Variants in RHBDF2 observed in about 807,000 individuals in gnomAD.
RHBDF2 encodes the protein inactive rhomboid protein 2.
RHBDF2 carries 38 observed loss-of-function variants against 95.2 expected under a neutral mutation model. That is an observed-to-expected ratio of 0.40 (90% CI 0.31 to 0.52). The LOEUF is 0.52. Ranked by LOEUF, RHBDF2 falls within the 20% of genes least tolerant of loss-of-function variation. The probability of loss-of-function intolerance (pLI) is 0.56; values close to 1 mark genes in which losing one functional copy is unlikely to be tolerated. For missense variants in RHBDF2, 863 were observed against 1,137.7 expected (o/e 0.76, Z 3.47); for synonymous variants, 442 against 462.0 (o/e 0.96, Z 0.55).
At position 76,472,069 on chromosome 17, in the gene RHBDF2, G is replaced by C; in HGVS notation, c.2065-17C>G. 1 of 1,540,904 alleles carries C rather than the reference G, an allele frequency of 6.5e-7. No individual in the cohort carries two copies. The highest frequency in any genetic ancestry group is 8.7e-7 in the Non-Finnish European group (1 of 1,143,688). On this transcript the variant is annotated splice_polypyrimidine_tract_variant and intron_variant, in intron 18 of 18. Transcript: ENST00000675367. ...CGGGCCCACCTGGGGCGGGGCAGGG[G>C]AGACGTGGCTTCAGGCATCAGGTGG...
intron 18 of RHBDF2, among the ~76,000 whole-genome samples, chr17:76,472,336 G>A (rs570815755): frequency 2.0e-5 from 3 of 152,212 alleles, no homozygotes; most frequent in Non-Finnish European, 4.4e-5. Context: ...GGGAGAGGAC[G>A]GACACTGAAC....
At chr17:76,483,890 C>G (rs908464907) in intron 2 of RHBDF2, among the ~76,000 whole-genome samples, 1 of 152,180 alleles carries the variant, frequency 6.6e-6, no homozygotes, top group South Asian at 2.1e-4. Context: ...TCTGACTCCA[C>G]CAGAATTAAC....
chr17:76,483,232 C>G (rs955295265), intron 2 of RHBDF2, among the ~76,000 whole-genome samples: 1 of 152,132 alleles, frequency 6.6e-6, no homozygotes, highest in Non-Finnish European at 1.5e-5. Flanking sequence ...TATCATTTTA[C>G]CTGCATTGTA....
Position 76,474,069 on chromosome 17 carries a change from T to C in RHBDF2, c.1538A>G (p.Lys513Arg). Residue 513 changes from lysine (K) to arginine (R), a missense_variant, in exon 13 of 19, where the codon AAG becomes AGG. Around this residue, in one of 2 missense-constraint regions of RHBDF2, gnomAD observed 611 missense variants for 725.5 expected, o/e 0.84. Transcript: ENST00000675367. ...PPMDKSDLGQ[K>R]RTSGAVCHQD... ...GTGGCAGACAGCCCCCGAAGTCCGC[T>C]TCTGGCCCAGATCAGACTTGTCCAT... 1 of 1,613,088 alleles carries C rather than the reference T, an allele frequency of 6.2e-7. No homozygotes were observed. The highest frequency in any genetic ancestry group is 8.5e-7 in the Non-Finnish European group (1 of 1,179,884).
rs774030260 is a variant in RHBDF2 at position 76,479,230 on chromosome 17, C to T, written c.320G>A (p.Arg107Gln). 1.1e-5 allele frequency: 18 copies of T among 1,609,192 alleles called. No homozygotes were observed. Among genetic ancestry groups the T allele is most frequent in the East Asian group, 1.1e-4 (5 of 44,846 alleles). Residue 107 changes from arginine to glutamine, a missense_variant, in exon 5 of 19, where the codon CGG becomes CAG. Arg to Gln is a conservative substitution (Grantham distance 43). Around this residue, in one of 2 missense-constraint regions of RHBDF2, gnomAD observed 611 missense variants for 725.5 expected, o/e 0.84. Transcript: ENST00000675367. ...CAGGCTGCGGCGCTGCCACTGCTGCCGCTGCCCCTCCCAGTCGCCGCTGAC... is the reference window on the plus strand; with the variant it reads ...CAGGCTGCGGCGCTGCCACTGCTGCTGCTGCCCCTCCCAGTCGCCGCTGAC... The part of the protein sequence containing the change: ...FGVSGDWEGQ[R>Q]QQWQRRSLHH...
Position 76,473,063 on chromosome 17 carries a change from TGAGG to T in RHBDF2, c.1848_1851del (p.Phe616LeufsTer33). 6.2e-7 allele frequency: 1 copy of T among 1,614,086 alleles called. No individual in the cohort carries two copies. The highest frequency in any genetic ancestry group is 8.5e-7 in the Non-Finnish European group (1 of 1,179,992). ...TAGAACTGATCTGGGACCTCAGGGT[TGAGG>T]AAGGGCAGCAGCCCACACACCTTGT... On this transcript the variant is annotated frameshift_variant, in exon 17 of 19. Transcript: ENST00000675367. LOFTEE classifies it high-confidence loss of function.
chr17:76,498,787 A>AGTGTGTGTGT (rs1315013148), intron 1 of RHBDF2, among the ~76,000 whole-genome samples: 2 of 52,806 alleles, frequency 3.8e-5, no homozygotes, highest in East Asian at 2.1e-3. Flanking sequence ...GGAGAGAAAG[A>AGTGTGTGTGT]GAGTGTGTGT....
chr17:76,498,083 ATG>A (rs964532814), intron 1 of RHBDF2, among the ~76,000 whole-genome samples: 4 of 152,166 alleles, frequency 2.6e-5, no homozygotes, highest in Non-Finnish European at 5.9e-5. Flanking sequence ...TTCCCGGAAG[ATG>A]TGTTTTTCCT....
At chr17:76,485,405 C>A (rs1281138054) in intron 2 of RHBDF2, among the ~76,000 whole-genome samples, 1 of 119,748 alleles carries the variant, frequency 8.4e-6, no homozygotes, top group Non-Finnish European at 1.7e-5. Flanking sequence ...CAGCAAAACT[C>A]TGTCTCAAAA....
rs1239996896 is a variant in RHBDF2 at position 76,487,235 on chromosome 17, G to A, written c.-22+477C>T. ...CAAAGTGCTTGGATTACAGGCGTGA[G>A]CCAGCATGCCTGGCAAATTTTTTTT... On this transcript the variant is annotated intron_variant, in intron 2 of 18. Coordinates refer to ENST00000675367, the MANE Select transcript of RHBDF2 (RefSeq NM_001005498.4). Among the ~76,000 whole-genome samples, 10 of 145,614 alleles carry A rather than the reference G, an allele frequency of 6.9e-5. No homozygotes were observed. In the East Asian group the frequency reaches 2.0e-3, roughly 29 times the overall value.
At chr17:76,491,870 C>A (rs1033697665) in intron 1 of RHBDF2, among the ~76,000 whole-genome samples, 1 of 152,228 alleles carries the variant, frequency 6.6e-6, no homozygotes, top group Non-Finnish European at 1.5e-5. Context: ...GAAAAAAGCG[C>A]TGGAGAGCTG....
intron 1 of RHBDF2, among the ~76,000 whole-genome samples, chr17:76,491,396 G>A (rs919268031): frequency 6.6e-6 from 1 of 152,096 alleles, no homozygotes; most frequent in African/African-American, 2.4e-5. Context: ...CAACACTGAG[G>A]GAGAGGAGAG....
intron 16 of RHBDF2, 26 bp from the exon 17 acceptor site, chr17:76,473,131 C>T (rs760768439): frequency 1.9e-5 from 30 of 1,602,070 alleles, no homozygotes; most frequent in African/African-American, 9.4e-5. Flanking sequence ...TGGTGCTCAG[C>T]GCCCCAGAAG....
chr17:76,499,958 T>C (rs956193938), intron 1 of RHBDF2, among the ~76,000 whole-genome samples: 1 of 152,056 alleles, frequency 6.6e-6, no homozygotes, highest in South Asian at 2.1e-4. Flanking sequence ...GCAGGGCCAG[T>C]GGAGATTGGG....
intron 1 of RHBDF2, among the ~76,000 whole-genome samples, chr17:76,499,436 G>A (rs2144499844): frequency 6.6e-6 from 1 of 152,292 alleles, no homozygotes; most frequent in African/African-American, 2.4e-5. Context: ...AAACAACTCT[G>A]AGTCATCCCT....
At chr17:76,495,052 G>A (rs1296494567) in intron 1 of RHBDF2, among the ~76,000 whole-genome samples, 1 of 152,084 alleles carries the variant, frequency 6.6e-6, no homozygotes, top group Non-Finnish European at 1.5e-5. Context: ...CCGGGGTGGG[G>A]TGTGCACCAC....
At chr17:76,484,091 G>A (rs1206312571) in intron 2 of RHBDF2, among the ~76,000 whole-genome samples, 8 of 151,920 alleles carry the variant, frequency 5.3e-5, no homozygotes, top group Non-Finnish European at 8.8e-5. Flanking sequence ...GAGAAACCCC[G>A]TCTCTACTAA....
rs551117870 is a variant in RHBDF2 at position 76,482,481 on chromosome 17, A to G, written c.-21-936T>C. On this transcript the variant is annotated intron_variant, in intron 2 of 18. Transcript: ENST00000675367. ...CCCAGCCCCAGTTCATTTTTCAAAG[A>G]TAACTAAAACTGGCTGGGTGCGTGG... Among the ~76,000 whole-genome samples the G allele has an allele frequency of 6.6e-5, 10 of 152,124 alleles. No individual in the cohort carries two copies. The South Asian group carries it at 2.1e-3, about 32-fold the overall frequency.
At chr17:76,494,084 A>G (rs1183063132) in intron 1 of RHBDF2, among the ~76,000 whole-genome samples, 1 of 151,990 alleles carries the variant, frequency 6.6e-6, no homozygotes, top group Non-Finnish European at 1.5e-5. Context: ...GGAGCCGCCA[A>G]GATCAGGGGT....
Sources: allele counts gnomAD v4.1 joint callset (sites outside exome capture counted in the v4.1 genomes callset), GRCh38; gene constraint gnomAD v4.1.1; regional missense constraint gnomAD v4.1.1; transcripts MANE v1.5; gene names NCBI Gene and HGNC (gene_info 2026-07-23, HGNC 2026-07-21).